The following CD59 variants were observed in gnomAD, a reference collection of about 807,000 sequenced individuals.
CD59 encodes CD59 glycoprotein.
In CD59, 3 loss-of-function variants were observed where a neutral mutation model predicts 7.0. The observed-to-expected ratio is 0.43, with a 90% CI of 0.19 to 1.10. CD59 has a LOEUF of 1.10. Among genes scored for constraint, CD59 ranks in the 50% least tolerant of loss-of-function variants. The pLI is 0.29. For synonymous variants in CD59, 60 were observed against 62.0 expected (o/e 0.97, Z 0.15); for missense variants, 143 against 151.0 (o/e 0.95, Z 0.28).
At chr11:33,711,944 T>C (rs568933357) in intron 3 of CD59, among the ~76,000 whole-genome samples, 4 of 151,424 alleles carry the variant, frequency 2.6e-5, no homozygotes, top group South Asian at 4.2e-4. Context: ...CTGGACAAAT[T>C]TGGCATTTCT....
intron 3 of CD59, chr11:33,711,403 T>C (rs1490353435): frequency 7.1e-6 from 5 of 701,112 alleles, no homozygotes; most frequent in Non-Finnish European, 1.3e-5. Context: ...ATATGGACAA[T>C]GAGGCCAGTG....
chr11:33,721,314 TG>T (rs1854050449), intron 2 of CD59, among the ~76,000 whole-genome samples: 2 of 152,154 alleles, frequency 1.3e-5, no homozygotes, highest in South Asian at 4.2e-4. Flanking sequence ...AGCTGTAATA[TG>T]GGAGGTAACA....
At chr11:33,722,510 G>T (rs974179173) in intron 1 of CD59, 47 bp from the exon 2 acceptor site, 1 of 1,607,516 alleles carries the variant, frequency 6.2e-7, no homozygotes, top group South Asian at 1.1e-5. Context: ...ACAAATGACT[G>T]CTGGTTGTCT....
intron 1 of CD59, chr11:33,722,713 G>T (rs1205283115): frequency 1.6e-6 from 2 of 1,279,216 alleles, no homozygotes; most frequent in South Asian, 3.0e-5. Context: ...CCCCATCAGG[G>T]TCAGTGAGTC....
In CD59 at chr11:33,703,427, C is replaced by A. The variant is rs1358402874; in HGVS notation, c.*6699G>T. The A allele has an allele frequency of 1.3e-5, 2 of 152,194 alleles. No individual in the cohort carries two copies. Among genetic ancestry groups the A allele is most frequent in the Non-Finnish European group, 2.9e-5 (2 of 68,030 alleles). 9.4% of individuals were successfully genotyped at this position (152,194 alleles called of 1,614,324 possible). On this transcript the variant is annotated 3_prime_UTR_variant, in exon 4 of 4. Transcript: ENST00000642928. The stretch of plus-strand genomic sequence containing the variant: ...TCAACTTCAGCAGAACCTTTCCCTC[C>A]CTGGGCTCCAAAGCACTATGTCACC...
intron 2 of CD59, among the ~76,000 whole-genome samples, chr11:33,720,000 G>A (rs1853982174): frequency 6.6e-6 from 1 of 152,262 alleles, no homozygotes; most frequent in South Asian, 2.1e-4. Flanking sequence ...AAGGTTACCT[G>A]TAGACATGGA....
At position 33,710,266 on chromosome 11, in the gene CD59, C is replaced by T; in HGVS notation, c.247G>A (p.Glu83Lys). Residue 83 changes from glutamate (E) to lysine (K), a missense_variant, in exon 4 of 4, where the codon GAG (glutamate) becomes AAG (lysine). Glu to Lys is a moderately conservative substitution (Grantham distance 56). Coordinates refer to ENST00000642928, the MANE Select transcript of CD59 (RefSeq NM_000611.6). Reference sequence around the variant, plus strand: ...TTCTTGCAGCAGTAGTACGTTAGCTCATTTTCCCTCAAGCGGGTTGTGACG... The same window carrying T: ...TTCTTGCAGCAGTAGTACGTTAGCTTATTTTCCCTCAAGCGGGTTGTGACG... ...NDVTTRLRENELTYYCCKKDL... is the reference protein window; with the variant it reads ...NDVTTRLRENKLTYYCCKKDL... 1 of 1,614,188 alleles carries T rather than the reference C, an allele frequency of 6.2e-7. No individual in the cohort carries two copies. The highest frequency in any genetic ancestry group is 8.5e-7 in the Non-Finnish European group (1 of 1,180,024).
intron 2 of CD59, among the ~76,000 whole-genome samples, chr11:33,720,525 C>G (rs898134036): frequency 2.0e-5 from 3 of 152,004 alleles, no homozygotes; most frequent in Admixed American, 6.6e-5. Context: ...ATGGTGAAAG[C>G]CCGCCTCTAC....
chr11:33,710,846 C>T (rs897869442), intron 3 of CD59, among the ~76,000 whole-genome samples: 5 of 151,358 alleles, frequency 3.3e-5, no homozygotes, highest in Non-Finnish European at 7.4e-5. Context: ...GGGTGAGCCA[C>T]CATGCCCAGC....
chr11:33,724,256 T>C (rs563609750), intron 1 of CD59, among the ~76,000 whole-genome samples: 338 of 152,322 alleles, frequency 2.2e-3, no homozygotes, highest in Admixed American at 3.4e-3. Flanking sequence ...CTTGGAATGG[T>C]CCTTGACATA....
rs1434187682 is a variant in CD59, at chr11:33,709,932, T to C, written c.*194A>G. 1 of 636,374 alleles carries C rather than the reference T, an allele frequency of 1.6e-6. No individual in the cohort carries two copies. The highest frequency in any genetic ancestry group is 1.8e-5 in the African/African-American group (1 of 54,688). The allele number at this position is 636,374 out of a possible 1,614,324, so 39.4% of individuals were successfully genotyped here. On this transcript the variant is annotated 3_prime_UTR_variant, in exon 4 of 4. Transcript: ENST00000642928. The stretch of plus-strand genomic sequence containing the variant: ...TCACTCTTAGACTTCTTCCTTCAAG[T>C]GGGGCTTCCCTGCAAACAGGACTGG...
chr11:33,724,570 C>T (rs1358956577), intron 1 of CD59, among the ~76,000 whole-genome samples: 1 of 152,126 alleles, frequency 6.6e-6, no homozygotes, highest in African/African-American at 2.4e-5. Context: ...TAGTGCTACT[C>T]AGGAGTAATG....
In CD59 at chr11:33,730,284, GT is replaced by G. The variant is rs1040064192; in HGVS notation, c.-19+6097del. 1.1e-4 allele frequency among the ~76,000 whole-genome samples: 16 copies of G among 151,896 alleles called. No individual in the cohort carries two copies. The Middle Eastern group carries it at 0.017, about 161-fold the overall frequency. On this transcript the variant is annotated intron_variant, in intron 1 of 3. Coordinates refer to ENST00000642928, the MANE Select transcript of CD59 (RefSeq NM_000611.6). ...AAAAAAAATAGCCAGGTGTGGTGGCGTGTGCCTGTAGTTCCAACTACTCAGG... is the reference window on the plus strand; with the variant it reads ...AAAAAAAATAGCCAGGTGTGGTGGCGGTGCCTGTAGTTCCAACTACTCAGG...
intron 1 of CD59, among the ~76,000 whole-genome samples, chr11:33,735,273 CT>C (rs1854532629): frequency 6.6e-6 from 1 of 152,210 alleles, no homozygotes; most frequent in South Asian, 2.1e-4. Context: ...GTGCTGAGCG[CT>C]TTCCGTCAAT....
chr11:33,720,744 CA>C (rs10631432), intron 2 of CD59, among the ~76,000 whole-genome samples: 3 of 150,802 alleles, frequency 2.0e-5, no homozygotes, highest in Non-Finnish European at 4.4e-5. Context: ...AAAAAACAAA[CA>C]AAAAAAAACA....
chr11:33,710,539 C>T (rs142367846), intron 3 of CD59, among the ~76,000 whole-genome samples, 196 bp from the exon 4 acceptor site: 88 of 152,202 alleles, frequency 5.8e-4, no homozygotes, highest in African/African-American at 1.9e-3. Context: ...TACAGAAAAC[C>T]AAGGTCTCAT....
chr11:33,719,684 A>G (rs1853963306), intron 2 of CD59: 1 of 152,254 alleles, frequency 6.6e-6, no homozygotes, highest in African/African-American at 2.4e-5. Flanking sequence ...TGCAGATGAC[A>G]AGACAGATGT....
chr11:33,726,039 T>A lies in CD59; in HGVS notation c.-18-3576A>T, dbSNP rs527488701. 6.6e-5 allele frequency among the ~76,000 whole-genome samples: 10 copies of A among 152,280 alleles called. No individual in the cohort carries two copies. In the East Asian group the frequency reaches 1.9e-3, roughly 29 times the overall value. ...CACCTAGACGCATAAAGCAAGTTCTTAGAGACCTACAAAGAGACTTAGATT... is the reference window on the plus strand; with the variant it reads ...CACCTAGACGCATAAAGCAAGTTCTAAGAGACCTACAAAGAGACTTAGATT... On this transcript the variant is annotated intron_variant, in intron 1 of 3. Transcript: ENST00000642928.
chr11:33,728,331 C>A (rs1854317914), intron 1 of CD59, among the ~76,000 whole-genome samples: 1 of 152,110 alleles, frequency 6.6e-6, no homozygotes, highest in African/African-American at 2.4e-5. Flanking sequence ...ATATATAGAC[C>A]AATGGAACAG....
Sources: allele counts gnomAD v4.1 joint callset (sites outside exome capture counted in the v4.1 genomes callset), GRCh38; gene constraint gnomAD v4.1.1; transcripts MANE v1.5; gene names NCBI Gene and HGNC (gene_info 2026-07-23, HGNC 2026-07-21).